DNER: variants seen among roughly 807,000 people sequenced by gnomAD.
The protein encoded by DNER is delta and Notch-like epidermal growth factor-related receptor.
A neutral mutation model predicts 78.2 loss-of-function variants in DNER; 33 were observed. The ratio of observed to expected loss-of-function variants is 0.42; its 90% CI spans 0.32 to 0.56. The LOEUF (loss-of-function observed/expected upper bound fraction) is 0.56. DNER is among the 20% of genes least tolerant of loss of function. The pLI is 0.11. For synonymous variants in DNER, 417 were observed against 384.8 expected (o/e 1.08, Z -0.98); for missense variants, 918 against 975.3 (o/e 0.94, Z 0.78).
intron 6 of DNER, among the ~76,000 whole-genome samples, chr2:229,480,889 G>T (rs1466489949): frequency 1.3e-5 from 2 of 152,242 alleles, no homozygotes; most frequent in Admixed American, 6.5e-5. Flanking sequence ...TATGTGTAAT[G>T]CTCTAGACCC....
At chr2:229,468,021 A>C (rs1196429846) in intron 7 of DNER, among the ~76,000 whole-genome samples, 8 of 152,326 alleles carry the variant, frequency 5.3e-5, no homozygotes, top group Non-Finnish European at 7.4e-5. Flanking sequence ...AGACGACAGC[A>C]CTGAACCTTC....
rs544917085 is a variant in DNER at position 229,676,909 on chromosome 2, T to A, written c.276+37239A>T. On this transcript the variant is annotated intron_variant, in intron 1 of 12. Transcript: ENST00000341772. ...CCTGCAGATACATCTGTTCTTTGAT[T>A]CTGGTGGGTGGATAGGAACGAGTCT... 2.0e-5 allele frequency among the ~76,000 whole-genome samples: 3 copies of A among 152,296 alleles called. No individual in the cohort carries two copies. The East Asian group carries it at 5.8e-4, about 29-fold the overall frequency.
chr2:229,598,059 C>T (rs76116365), intron 1 of DNER, among the ~76,000 whole-genome samples: 95 of 152,192 alleles, frequency 6.2e-4, no homozygotes, highest in African/African-American at 2.1e-3. Flanking sequence ...TCCTCTGCGG[C>T]GTACAAACAG....
Position 229,591,937 on chromosome 2 carries a change from GTGCCATCGC to G in DNER, c.277-58_277-50del, listed in dbSNP as rs1697616289. On this transcript the variant is annotated intron_variant, in intron 1 of 12. Transcript: ENST00000341772. The surrounding 1 kb of genome is among the most constrained non-coding windows in gnomAD (Gnocchi z 4.6). ...CAATTATTCCCTCATAAGAAAAGTG[GTGCCATCGC>G]TGGGAAATTAGCTCTGTGTCTCAGA... The G allele has an allele frequency of 6.9e-7, 1 of 1,452,548 alleles. No individual in the cohort carries two copies. The highest frequency in any genetic ancestry group is 9.0e-7 in the Non-Finnish European group (1 of 1,106,354). The allele number at this position is 1,452,548 out of a possible 1,614,324, so 90.0% of individuals were successfully genotyped here.
chr2:229,517,345 T>C (rs954048619), intron 5 of DNER, among the ~76,000 whole-genome samples: 1 of 152,108 alleles, frequency 6.6e-6, no homozygotes, highest in African/African-American at 2.4e-5. Context: ...AGTGGTATAG[T>C]AAATTAAGTT....
chr2:229,414,902 T>G (rs1266727731), intron 9 of DNER, among the ~76,000 whole-genome samples: 1 of 152,154 alleles, frequency 6.6e-6, no homozygotes. Flanking sequence ...GTGGCTCATG[T>G]CTGCAATCCC....
In DNER at chr2:229,558,635, A is replaced by G. The variant is rs1293041199; in HGVS notation, c.848-11543T>C. Among the ~76,000 whole-genome samples, 5 of 152,204 alleles carry G rather than the reference A, an allele frequency of 3.3e-5. No homozygotes were observed. In the South Asian group the frequency reaches 1.0e-3, roughly 32 times the overall value. Reference sequence around the variant, plus strand: ...TGAAATACAGAAGCACCCTAACTGAACAGATCATGAGTCCATGTAAGGACT... The same window carrying G: ...TGAAATACAGAAGCACCCTAACTGAGCAGATCATGAGTCCATGTAAGGACT... On this transcript the variant is annotated intron_variant, in intron 4 of 12. Transcript: ENST00000341772.
At chr2:229,481,370 T>C (rs934172147) in intron 6 of DNER, among the ~76,000 whole-genome samples, 1 of 152,194 alleles carries the variant, frequency 6.6e-6, no homozygotes, top group African/African-American at 2.4e-5. Context: ...GTGAAGACAG[T>C]TCTGGAAGAG....
At chr2:229,518,860 C>A (rs1171862574) in intron 5 of DNER, among the ~76,000 whole-genome samples, 1 of 152,116 alleles carries the variant, frequency 6.6e-6, no homozygotes, top group Non-Finnish European at 1.5e-5. Context: ...CGAACTCTTA[C>A]CCAAGAAAAT....
intron 1 of DNER, among the ~76,000 whole-genome samples, chr2:229,630,652 C>A: frequency 6.6e-6 from 1 of 151,902 alleles, no homozygotes; most frequent in East Asian, 1.9e-4. Flanking sequence ...GAAAAATCAA[C>A]TTTTTAGATT....
chr2:229,478,924 C>A (rs1259325344), intron 6 of DNER, among the ~76,000 whole-genome samples: 1 of 151,962 alleles, frequency 6.6e-6, no homozygotes, highest in Non-Finnish European at 1.5e-5. Context: ...AGGTATTAAG[C>A]CCAGCATTCC....
At chr2:229,499,602 C>T (rs940735046) in intron 6 of DNER, among the ~76,000 whole-genome samples, 40 of 148,476 alleles carry the variant, frequency 2.7e-4, no homozygotes, top group African/African-American at 9.2e-4. Flanking sequence ...AATATCAGAC[C>T]TGAAACTGTT....
At chr2:229,596,865 T>A (rs1177826964) in intron 1 of DNER, among the ~76,000 whole-genome samples, 1 of 148,484 alleles carries the variant, frequency 6.7e-6, no homozygotes, top group East Asian at 1.9e-4. Flanking sequence ...GTCAGTTGCA[T>A]AAATTTCTAA....
chr2:229,473,213 C>A (rs988687792), intron 7 of DNER, among the ~76,000 whole-genome samples: 4 of 152,112 alleles, frequency 2.6e-5, no homozygotes, highest in Middle Eastern at 3.2e-3. Context: ...GACTTGCTTA[C>A]CAAAAATAAT....
intron 1 of DNER, among the ~76,000 whole-genome samples, chr2:229,698,407 ATC>A (rs1206293492): frequency 2.0e-5 from 3 of 152,188 alleles, no homozygotes; most frequent in Non-Finnish European, 4.4e-5. Context: ...ACCGGGAAAG[ATC>A]TATGTTAGGA....
chr2:229,491,389 C>T (rs1363865930), intron 6 of DNER, among the ~76,000 whole-genome samples: 1 of 152,124 alleles, frequency 6.6e-6, no homozygotes, highest in African/African-American at 2.4e-5. Context: ...GGGTACTAAT[C>T]CCATTCATCA....
At chr2:229,576,790 G>A (rs1697310294) in intron 4 of DNER, among the ~76,000 whole-genome samples, 1 of 151,916 alleles carries the variant, frequency 6.6e-6, no homozygotes, top group Non-Finnish European at 1.5e-5. Flanking sequence ...GGAGAGAAAT[G>A]ACGCCAGCTA....
intron 6 of DNER, among the ~76,000 whole-genome samples, chr2:229,506,135 A>G (rs1486873314): frequency 2.0e-5 from 3 of 152,116 alleles, no homozygotes; most frequent in African/African-American, 7.2e-5. Flanking sequence ...GAAATACCCA[A>G]AACTGGGTAA....
intron 1 of DNER, among the ~76,000 whole-genome samples, chr2:229,658,207 T>G (rs1273769073): frequency 6.6e-6 from 1 of 152,226 alleles, no homozygotes; most frequent in Non-Finnish European, 1.5e-5. Context: ...TCTGACTTTA[T>G]TCATTCTCTC....
Sources: gnomAD v4.1 joint callset for allele counts (sites outside exome capture counted in the v4.1 genomes callset) on GRCh38, gnomAD v4.1.1 for gene constraint, Gnocchi (gnomAD v3.1) non-coding constraint, MANE v1.5 for transcripts, NCBI Gene and HGNC (gene_info 2026-07-23, HGNC 2026-07-21) for gene names.